Variants in NAV3 observed in about 807,000 individuals in gnomAD.
NAV3 encodes neuron navigator 3.
In NAV3, 87 loss-of-function variants were observed where a neutral mutation model predicts 244.7. That is an observed-to-expected ratio of 0.36 (90% CI 0.30 to 0.42). The LOEUF is 0.42. Among genes scored for constraint, NAV3 ranks in the 20% least tolerant of loss-of-function variants. The pLI is 1.00. For synonymous variants in NAV3, 1,126 were observed against 1,042.2 expected (o/e 1.08, Z -1.55); for missense variants, 2,663 against 2,893.3 (o/e 0.92, Z 1.83).
chr12:77,761,231 A>T (rs1869445597), intron 2 of NAV3, among the ~76,000 whole-genome samples: 1 of 151,806 alleles, frequency 6.6e-6, no homozygotes, highest in African/African-American at 2.4e-5. Context: ...GCTAATTTTT[A>T]AAATATTTTT....
intron 12 of NAV3, among the ~76,000 whole-genome samples, chr12:78,082,334 A>G (rs952431130): frequency 3.9e-5 from 6 of 152,288 alleles, no homozygotes; most frequent in Admixed American, 3.9e-4. Flanking sequence ...CATATGCATT[A>G]TATTTTCAAA....
intron 1 of NAV3, among the ~76,000 whole-genome samples, chr12:77,869,338 A>T (rs1383326391): frequency 6.6e-6 from 1 of 152,210 alleles, no homozygotes; most frequent in African/African-American, 2.4e-5. Flanking sequence ...AATAAATATT[A>T]AGTAAAAACA....
intron 19 of NAV3, among the ~76,000 whole-genome samples, chr12:78,138,727 G>T (rs913225574): frequency 2.0e-5 from 3 of 152,090 alleles, no homozygotes; most frequent in Non-Finnish European, 4.4e-5. Context: ...CTAGAGTGTG[G>T]CATTGACAAA....
chr12:77,779,359 A>G (rs1022844981), intron 2 of NAV3, among the ~76,000 whole-genome samples: 1 of 152,222 alleles, frequency 6.6e-6, no homozygotes, highest in African/African-American at 2.4e-5. Flanking sequence ...CGAGTTCTAT[A>G]TAGCTTACAT....
chr12:77,908,422 C>T (rs1409752647), intron 1 of NAV3, among the ~76,000 whole-genome samples: 1 of 151,850 alleles, frequency 6.6e-6, no homozygotes, highest in Non-Finnish European at 1.5e-5. Context: ...AAATGGTTTC[C>T]AAATGGGCAT....
chr12:77,911,147 T>C (rs1365758208), intron 1 of NAV3, among the ~76,000 whole-genome samples: 1 of 152,002 alleles, frequency 6.6e-6, no homozygotes, highest in Admixed American at 6.6e-5. Context: ...AACATTAGCT[T>C]TAGAATAACT....
rs2137263416 is a variant in NAV3, at chr12:78,051,115, G to A, written c.2484G>A (p.Gly828=). The change falls in exon 11 of 40, where the codon GGG becomes GGA. Residue 828 remains glycine, a synonymous_variant. Coordinates refer to ENST00000397909, the MANE Select transcript of NAV3 (RefSeq NM_001024383.2). ...GGYMSDGDIL[G]KSLRTDDINS... ...ATATGAGTGATGGTGATATCCTTGG[G>A]AAAAGTCTCAGGACTGATGACATCA... 2 of 1,612,724 alleles carry A rather than the reference G, an allele frequency of 1.2e-6. No homozygotes were observed. The highest frequency in any genetic ancestry group is 1.7e-6 in the Non-Finnish European group (2 of 1,178,920).
rs559416164 is a variant in NAV3 at position 77,680,113 on chromosome 12, A to G, written c.72+107847A>G. On this transcript the variant is annotated intron_variant, in intron 2 of 8. Transcript: ENST00000550042. ...AGGGAGGAAGAAAGTTAGAAGGCAC[A>G]GGGAAAGGGGGTATTGACTGATGGA... 1.8e-4 allele frequency among the ~76,000 whole-genome samples: 27 copies of G among 152,292 alleles called. No individual in the cohort carries two copies. In the South Asian group the frequency reaches 5.6e-3, roughly 32 times the overall value.
intron 5 of NAV3, among the ~76,000 whole-genome samples, chr12:77,981,185 C>T (rs926620721): frequency 2.6e-5 from 4 of 152,010 alleles, no homozygotes; most frequent in Non-Finnish European, 5.9e-5. Context: ...AAAAGGAGAA[C>T]GTATTTTATG....
chr12:77,964,109 T>C (rs1369705320), intron 3 of NAV3, among the ~76,000 whole-genome samples: 1 of 151,666 alleles, frequency 6.6e-6, no homozygotes, highest in East Asian at 1.9e-4. Context: ...CCCCTTCTGA[T>C]TGTGGTGCAA....
rs1955263458 is a variant in NAV3 at position 78,114,395 on chromosome 12, C to CCT, written c.2637-2377_2637-2376insCT. On this transcript the variant is annotated intron_variant, in intron 12 of 39. Coordinates refer to ENST00000397909, the MANE Select transcript of NAV3 (RefSeq NM_001024383.2). Reference sequence around the variant, plus strand: ...GCTGATAATAAAGACATACCCAAGGCTGGGTAGTTTATAAAGAAAAAAGAG... The same window carrying CCT: ...GCTGATAATAAAGACATACCCAAGGCCTTGGGTAGTTTATAAAGAAAAAAGAG... 2.0e-5 allele frequency among the ~76,000 whole-genome samples: 3 copies of CCT among 152,150 alleles called. No homozygotes were observed. The South Asian group carries it at 6.2e-4, about 32-fold the overall frequency.
At chr12:78,135,838 C>G (rs1400616752) in intron 18 of NAV3, among the ~76,000 whole-genome samples, 1 of 152,038 alleles carries the variant, frequency 6.6e-6, no homozygotes, top group African/African-American at 2.4e-5. Flanking sequence ...GCCTTTCCAT[C>G]CTTTCTTCTT....
intron 39 of NAV3, among the ~76,000 whole-genome samples, chr12:78,207,891 G>A (rs1267119152): frequency 1.3e-5 from 2 of 152,186 alleles, no homozygotes; most frequent in Admixed American, 1.3e-4. Flanking sequence ...AGAGAGGACA[G>A]ACTGAAGGAG....
intron 9 of NAV3, among the ~76,000 whole-genome samples, chr12:78,046,800 C>T (rs192971578): frequency 6.6e-6 from 1 of 152,090 alleles, no homozygotes; most frequent in Non-Finnish European, 1.5e-5. Flanking sequence ...AATTTTCTGT[C>T]TCATTGATCT....
At chr12:78,197,508 A>C in intron 35 of NAV3, 107 bp downstream of exon 35, 1 of 753,848 alleles carries the variant, frequency 1.3e-6, no homozygotes, top group Non-Finnish European at 2.0e-6. Context: ...TTTAATTTTT[A>C]TTTTTTAAAT....
chr12:78,177,280 C>A lies in NAV3; in HGVS notation c.5264C>A (p.Ser1755Ter). Residue 1755 changes from serine (S) to a stop codon, truncating the protein, a stop_gained, in exon 27 of 40, where the codon TCA becomes TAA. Transcript: ENST00000397909. LOFTEE classifies it high-confidence loss of function. ...KLPHNAGDCG[S>*]ASMKPSQSAS... ...CCCCATAATGCTGGTGACTGTGGCT[C>A]AGCATCCATGAAGCCCTCACAATCT... 1 of 1,613,368 alleles carries A rather than the reference C, an allele frequency of 6.2e-7. No homozygotes were observed. Among genetic ancestry groups the A allele is most frequent in the South Asian group, 1.1e-5 (1 of 90,982 alleles).
At chr12:77,938,294 A>G (rs1435887674) in intron 1 of NAV3, among the ~76,000 whole-genome samples, 2 of 152,162 alleles carry the variant, frequency 1.3e-5, no homozygotes, top group Non-Finnish European at 2.9e-5. Flanking sequence ...ATATAATCAA[A>G]TCTTAACTGA....
At chr12:77,948,296 G>A (rs1451077857) in intron 3 of NAV3, among the ~76,000 whole-genome samples, 3 of 151,918 alleles carry the variant, frequency 2.0e-5, no homozygotes, top group African/African-American at 7.2e-5. Flanking sequence ...ATACTTGTTT[G>A]TGTAATTAAT....
At chr12:77,950,326 A>G (rs370788291) in intron 3 of NAV3, among the ~76,000 whole-genome samples, 1 of 152,182 alleles carries the variant, frequency 6.6e-6, no homozygotes, top group South Asian at 2.1e-4. Flanking sequence ...TGGTGTTGTC[A>G]ATGTTCTGGA....
Sources: gnomAD v4.1 joint callset for allele counts (sites outside exome capture counted in the v4.1 genomes callset) on GRCh38, gnomAD v4.1.1 for gene constraint, MANE v1.5 for transcripts, NCBI Gene and HGNC (gene_info 2026-07-23, HGNC 2026-07-21) for gene names.